Variants in ADRA1A observed in about 807,000 individuals in gnomAD.
ADRA1A encodes the protein adrenoceptor alpha 1A, also known as alpha-1A adrenergic receptor.
Under a neutral mutation model 29.6 loss-of-function variants are expected in ADRA1A, and 31 were observed. The ratio of observed to expected loss-of-function variants is 1.05; its 90% CI spans 0.79 to 1.41. The LOEUF (loss-of-function observed/expected upper bound fraction) is 1.41, where lower values mean the gene tolerates loss of function less well. Among genes scored for constraint, ADRA1A ranks in the 40% most tolerant of loss-of-function variants. ADRA1A has a pLI of 0.00. For synonymous variants in ADRA1A, 311 were observed against 254.3 expected (o/e 1.22, Z -2.12); for missense variants, 619 against 601.1 (o/e 1.03, Z -0.31).
chr8:26,859,471 C>G (rs561525131), intron 2 of ADRA1A, among the ~76,000 whole-genome samples: 1 of 152,294 alleles, frequency 6.6e-6, no homozygotes, highest in East Asian at 1.9e-4. Context: ...GTAATAATAT[C>G]ACTCTGAGCA....
intron 2 of ADRA1A, among the ~76,000 whole-genome samples, chr8:26,778,441 T>A (rs570017312): frequency 6.6e-6 from 1 of 152,316 alleles, no homozygotes; most frequent in East Asian, 1.9e-4. Context: ...GCAGATCTCC[T>A]TTCATAAGCC....
chr8:26,785,138 CTTTTAATA>C (rs1384808462), intron 2 of ADRA1A, among the ~76,000 whole-genome samples: 1 of 152,016 alleles, frequency 6.6e-6, no homozygotes, highest in Non-Finnish European at 1.5e-5. Context: ...TCTTGCTTCC[CTTTTAATA>C]TTGCAATAAG....
intron 2 of ADRA1A, among the ~76,000 whole-genome samples, chr8:26,835,388 G>C (rs1371578053): frequency 1.3e-5 from 2 of 152,310 alleles, no homozygotes; most frequent in South Asian, 4.1e-4. Flanking sequence ...ACATACCCAA[G>C]ACTGGGTAAT....
At position 26,823,076 on chromosome 8, in the gene ADRA1A, C is replaced by T. The variant is rs1438970202; in HGVS notation, c.883+41011G>A. ...CACAGATCCAAACCATATCACAGGC[C>T]AAGAAAGTTTTTCTCTCCTTTCCAA... On this transcript the variant is annotated intron_variant, in intron 2 of 2. Coordinates refer to ENST00000380573, the MANE Select transcript of ADRA1A (RefSeq NM_000680.4). This position sits in a 1 kb window ranked among gnomAD's most constrained non-coding sequence, Gnocchi z 4.2. 6.6e-6 allele frequency among the ~76,000 whole-genome samples: 1 copy of T among 152,100 alleles called. No homozygotes were observed. Among genetic ancestry groups the T allele is most frequent in the Non-Finnish European group, 1.5e-5 (1 of 68,038 alleles).
Position 26,788,753 on chromosome 8 carries a change from CT to C in ADRA1A, c.884-18088del, listed in dbSNP as rs1215210390. Among the ~76,000 whole-genome samples the C allele has an allele frequency of 4.6e-5, 7 of 152,232 alleles. No homozygotes were observed. The South Asian group carries it at 1.5e-3, about 32-fold the overall frequency. On this transcript the variant is annotated intron_variant, in intron 2 of 2. Transcript: ENST00000380573. ...TGGGTTCAAACCCATGCTTGCCTGG[CT>C]CCAGACCCTGTCCTGTACCTGCTAA...
At chr8:26,756,745 A>C in exon 3 of ADRA1A, 2 of 1,614,184 alleles carry the variant, frequency 1.2e-6, no homozygotes, top group Non-Finnish European at 1.7e-6. Flanking sequence ...ACAGTCGTGG[A>C]CGGGAAGCTG....
chr8:26,866,178 G>A lies in ADRA1A; in HGVS notation c.-686-523C>T, dbSNP rs1370702200. Reference sequence around the variant, plus strand: ...CACGAGCACGCTCACTCTCACGCCGGTGGAATTCGCACTCGGGTGTGCAGA... The same window carrying A: ...CACGAGCACGCTCACTCTCACGCCGATGGAATTCGCACTCGGGTGTGCAGA... On this transcript the variant is annotated intron_variant, in intron 1 of 2. Coordinates refer to ENST00000380573, the MANE Select transcript of ADRA1A (RefSeq NM_000680.4). The surrounding 1 kb of genome is among the most constrained non-coding windows in gnomAD (Gnocchi z 5.7). Among the ~76,000 whole-genome samples, 2 of 152,188 alleles carry A rather than the reference G, an allele frequency of 1.3e-5. No individual in the cohort carries two copies. The highest frequency in any genetic ancestry group is 2.9e-5 in the Non-Finnish European group (2 of 68,028).
chr8:26,852,570 T>C (rs1057434194), intron 2 of ADRA1A, among the ~76,000 whole-genome samples: 5 of 152,034 alleles, frequency 3.3e-5, no homozygotes, highest in African/African-American at 1.2e-4. Flanking sequence ...GCTAAAAACT[T>C]GAACCTCAAT....
chr8:26,794,738 A>G (rs1333145054), intron 2 of ADRA1A, among the ~76,000 whole-genome samples: 1 of 152,128 alleles, frequency 6.6e-6, no homozygotes, highest in Non-Finnish European at 1.5e-5. Flanking sequence ...CTAGTTAGCT[A>G]ACATCTAAGG....
chr8:26,749,850 T>A (rs1181044838), intron 2 of ADRA1A, among the ~76,000 whole-genome samples: 3 of 152,158 alleles, frequency 2.0e-5, no homozygotes, highest in Admixed American at 6.5e-5. Flanking sequence ...TCATTTCCTA[T>A]CTCCATTGCT....
intron 2 of ADRA1A, among the ~76,000 whole-genome samples, chr8:26,852,889 C>G (rs755661498): frequency 3.3e-5 from 5 of 152,108 alleles, no homozygotes; most frequent in Non-Finnish European, 7.4e-5. Flanking sequence ...TCATTTCACA[C>G]AGAAACACAG....
chr8:26,810,559 T>G (rs1725648859), intron 2 of ADRA1A, among the ~76,000 whole-genome samples: 1 of 152,216 alleles, frequency 6.6e-6, no homozygotes, highest in African/African-American at 2.4e-5. Flanking sequence ...TAAGTAACAA[T>G]ATCCCACTGC....
chr8:26,811,253 C>T lies in ADRA1A; in HGVS notation c.884-40587G>A, dbSNP rs1260903595. On this transcript the variant is annotated intron_variant, in intron 2 of 2. Coordinates refer to ENST00000380573, the MANE Select transcript of ADRA1A (RefSeq NM_000680.4). Reference sequence around the variant, plus strand: ...TGTCGCACAGGCTGGAGTGCAGTGGCGCGATCTCGGCTCGCTGCAAGCTCT... The same window carrying T: ...TGTCGCACAGGCTGGAGTGCAGTGGTGCGATCTCGGCTCGCTGCAAGCTCT... Among the ~76,000 whole-genome samples the T allele has an allele frequency of 5.3e-5, 8 of 150,918 alleles. No homozygotes were observed. The East Asian group carries it at 1.6e-3, about 30-fold the overall frequency.
chr8:26,838,267 A>C lies in ADRA1A; in HGVS notation c.883+25820T>G, dbSNP rs116529923. Among the ~76,000 whole-genome samples the C allele has an allele frequency of 2.9e-3, 443 of 152,346 alleles. 2 individuals carry two copies. The highest frequency in any genetic ancestry group is 0.01 in the African/African-American group (421 of 41,578). On this transcript the variant is annotated intron_variant, in intron 2 of 2. Coordinates refer to ENST00000380573, the MANE Select transcript of ADRA1A (RefSeq NM_000680.4). ...TCAGATATTTAACAAAGCAAGGCACAGGTCTAGGCTCTGTATGAATCTATA... is the reference window on the plus strand; with the variant it reads ...TCAGATATTTAACAAAGCAAGGCACCGGTCTAGGCTCTGTATGAATCTATA...
At chr8:26,793,782 A>G (rs774094595) in intron 2 of ADRA1A, among the ~76,000 whole-genome samples, 3 of 152,012 alleles carry the variant, frequency 2.0e-5, no homozygotes, top group African/African-American at 4.8e-5. Flanking sequence ...TAATGATTAT[A>G]GAAGACACAA....
At chr8:26,791,706 C>A (rs1807848822) in intron 2 of ADRA1A, among the ~76,000 whole-genome samples, 1 of 152,176 alleles carries the variant, frequency 6.6e-6, no homozygotes, top group African/African-American at 2.4e-5. Context: ...CTTTTTACTT[C>A]TTAAACTGCC....
At chr8:26,802,251 T>C (rs906388427) in intron 2 of ADRA1A, among the ~76,000 whole-genome samples, 1 of 152,198 alleles carries the variant, frequency 6.6e-6, no homozygotes, top group Admixed American at 6.5e-5. Context: ...AACAAGCTTT[T>C]GCACAGCAAA....
intron 2 of ADRA1A, chr8:26,854,429 G>GA (rs1404863397): frequency 8.0e-6 from 1 of 124,772 alleles, no homozygotes; most frequent in East Asian, 2.8e-4. Flanking sequence ...GGGGCGGGGG[G>GA]GGGGAGCAGG....
At position 26,864,275 on chromosome 8, in the gene ADRA1A, A is replaced by T; in HGVS notation, c.695T>A (p.Val232Glu). The change falls in exon 2 of 3, where the codon GTG (valine) becomes GAG (glutamate). Residue 232 changes from valine (V) to glutamate (E), a missense_variant. Physicochemically the swap from Val to Glu is moderately radical, Grantham distance 121 (BLOSUM62 -2). Coordinates refer to ENST00000380573, the MANE Select transcript of ADRA1A (RefSeq NM_000680.4). This position sits in a 1 kb window ranked among gnomAD's most constrained non-coding sequence, Gnocchi z 8.1. Reference sequence around the variant, plus strand: ...GTTTTTCCGATGGATGCGGAGCGTCACTTGCTCCGAGTCCGACTTGTCGGT... The same window carrying T: ...GTTTTTCCGATGGATGCGGAGCGTCTCTTGCTCCGAGTCCGACTTGTCGGT... The part of the protein sequence containing the change: ...LKTDKSDSEQ[V>E]TLRIHRKNAP... 1.9e-6 allele frequency: 3 copies of T among 1,614,136 alleles called. No individual in the cohort carries two copies. The highest frequency in any genetic ancestry group is 2.5e-6 in the Non-Finnish European group (3 of 1,180,028).
Sources: allele counts gnomAD v4.1 joint callset (sites outside exome capture counted in the v4.1 genomes callset), GRCh38; gene constraint gnomAD v4.1.1; non-coding constraint Gnocchi (gnomAD v3.1); transcripts MANE v1.5; gene names NCBI Gene and HGNC (gene_info 2026-07-23, HGNC 2026-07-21).